The following NUDT3 variants were observed in gnomAD, a reference collection of about 807,000 sequenced individuals.
The protein encoded by NUDT3 is nudix hydrolase 3.
Under a neutral mutation model 23.6 loss-of-function variants are expected in NUDT3, and 9 were observed. That is an observed-to-expected ratio of 0.38 (90% CI 0.23 to 0.66). The LOEUF (loss-of-function observed/expected upper bound fraction) is 0.66. Ranked by LOEUF, NUDT3 falls within the 30% of genes least tolerant of loss-of-function variation. The pLI, the probability that NUDT3 is intolerant of heterozygous loss-of-function variation, is 0.52. For missense variants in NUDT3, 172 were observed against 218.5 expected (o/e 0.79, Z 1.34); for synonymous variants, 86 against 82.6 (o/e 1.04, Z -0.22).
intron 1 of NUDT3, among the ~76,000 whole-genome samples, chr6:34,386,579 T>C (rs568509689): frequency 1.3e-5 from 2 of 151,810 alleles, no homozygotes; most frequent in East Asian, 1.9e-4. Flanking sequence ...TTTCTGGGGC[T>C]GGGGAAAAAA....
intron 1 of NUDT3, among the ~76,000 whole-genome samples, chr6:34,360,489 A>G (rs1020225193): frequency 1.3e-5 from 2 of 152,006 alleles, no homozygotes; most frequent in African/African-American, 4.8e-5. Context: ...CAGGAGAATC[A>G]CTTGAACCCA....
intron 2 of NUDT3, among the ~76,000 whole-genome samples, chr6:34,340,064 C>T (rs574115010): frequency 1.3e-5 from 2 of 152,114 alleles, no homozygotes; most frequent in African/African-American, 4.8e-5. Flanking sequence ...GGGAAAATTT[C>T]TTTTCTCTCA....
chr6:34,305,200 T>C (rs1385402488), intron 2 of NUDT3, among the ~76,000 whole-genome samples: 1 of 151,998 alleles, frequency 6.6e-6, no homozygotes, highest in Non-Finnish European at 1.5e-5. Flanking sequence ...CAGGCTGGTC[T>C]CGAACTCCTG....
intron 1 of NUDT3, among the ~76,000 whole-genome samples, chr6:34,376,339 G>A (rs776578256): frequency 6.6e-6 from 1 of 152,022 alleles, no homozygotes; most frequent in Non-Finnish European, 1.5e-5. Flanking sequence ...CCAGGCTCAA[G>A]TGCAATGGCA....
In NUDT3 at chr6:34,341,907, G is replaced by T; in HGVS notation, c.165C>A (p.Pro55=). The change falls in exon 2 of 5, where the codon CCC becomes CCA. Residue 55 remains proline, a synonymous_variant. Transcript: ENST00000607016. ...CTGCTGCCACACTTGGCTCCTCCTC[G>T]GGCTCCATGCCTCCTCCAGGGACAA... The part of the protein sequence containing the change: ...RWIVPGGGME[P]EEEPSVAAVR... 1 of 1,613,978 alleles carries T rather than the reference G, an allele frequency of 6.2e-7. No individual in the cohort carries two copies. Among genetic ancestry groups the T allele is most frequent in the African/African-American group, 1.3e-5 (1 of 75,016 alleles).
intron 2 of NUDT3, among the ~76,000 whole-genome samples, chr6:34,316,180 T>C (rs1763854955): frequency 6.6e-6 from 1 of 152,106 alleles, no homozygotes; most frequent in South Asian, 2.1e-4. Flanking sequence ...CTTGGCTCTT[T>C]TGAGAGTGTT....
In NUDT3 at chr6:34,282,680, G is replaced by C. The variant is rs1763292008; in HGVS notation, c.*6073C>G. 1 of 152,210 alleles carries C rather than the reference G, an allele frequency of 6.6e-6. No homozygotes were observed. The highest frequency in any genetic ancestry group is 2.1e-4 in the South Asian group (1 of 4,832). The allele number at this position is 152,210 out of a possible 1,614,324, so 9.4% of individuals were successfully genotyped here. Reference sequence around the variant, plus strand: ...GCCTGGCTGGGAGGCTTGGGGGCAGGAAAGGGAGGGTGGAAGGATGGGTAG... The same window carrying C: ...GCCTGGCTGGGAGGCTTGGGGGCAGCAAAGGGAGGGTGGAAGGATGGGTAG... On this transcript the variant is annotated 3_prime_UTR_variant, in exon 5 of 5. Transcript: ENST00000607016.
intron 2 of NUDT3, among the ~76,000 whole-genome samples, chr6:34,321,925 TA>T (rs1297776656): frequency 6.6e-6 from 1 of 152,240 alleles, no homozygotes; most frequent in Admixed American, 6.5e-5. Flanking sequence ...TGTATTTATT[TA>T]ATTTTAATTA....
chr6:34,380,136 T>C (rs1325887951), intron 1 of NUDT3, among the ~76,000 whole-genome samples: 2 of 152,062 alleles, frequency 1.3e-5, no homozygotes, highest in Admixed American at 6.6e-5. Flanking sequence ...CAGACTGGAG[T>C]GCAACAGCGC....
At position 34,282,825 on chromosome 6, in the gene NUDT3, A is replaced by T. The variant is rs1013186744; in HGVS notation, c.*5928T>A. On this transcript the variant is annotated 3_prime_UTR_variant, in exon 5 of 5. Coordinates refer to ENST00000607016, the MANE Select transcript of NUDT3 (RefSeq NM_006703.4). Reference sequence around the variant, plus strand: ...TGTGTGCTTCCTGATAGGAAGTCAAATAAGTTTTAGTATTAAGAACTGGGG... The same window carrying T: ...TGTGTGCTTCCTGATAGGAAGTCAATTAAGTTTTAGTATTAAGAACTGGGG... 1 of 152,152 alleles carries T rather than the reference A, an allele frequency of 6.6e-6. No individual in the cohort carries two copies. Among genetic ancestry groups the T allele is most frequent in the Admixed American group, 6.5e-5 (1 of 15,268 alleles). The allele number at this position is 152,152 out of a possible 1,614,324, so 9.4% of individuals were successfully genotyped here. A position where few individuals can be genotyped will look rare whatever the true frequency, so the allele number is the denominator to read the frequency against.
rs1057181020 is a variant in NUDT3 at position 34,310,562 on chromosome 6, CCAT to C, written c.211-14880_211-14878del. On this transcript the variant is annotated intron_variant, in intron 2 of 4. Transcript: ENST00000607016. Reference sequence around the variant, plus strand: ...ACAACATCCACCACCACCACCACCACCATAATAACCTTCCAAAACAGAAAACAC... The same window carrying C: ...ACAACATCCACCACCACCACCACCACAATAACCTTCCAAAACAGAAAACAC... Among the ~76,000 whole-genome samples the C allele has an allele frequency of 7.2e-5, 11 of 152,222 alleles. 1 individual carries two copies. The South Asian group carries it at 1.0e-3, about 14-fold the overall frequency.
At chr6:34,345,370 C>T (rs1349644051) in intron 1 of NUDT3, among the ~76,000 whole-genome samples, 1 of 151,872 alleles carries the variant, frequency 6.6e-6, no homozygotes, top group Non-Finnish European at 1.5e-5. Flanking sequence ...TTTTTAAAAG[C>T]TGAAGGGAGT....
intron 2 of NUDT3, among the ~76,000 whole-genome samples, chr6:34,315,155 C>A (rs1260780391): frequency 1.3e-5 from 2 of 152,100 alleles, no homozygotes; most frequent in African/African-American, 2.4e-5. Flanking sequence ...CATTAAGGAC[C>A]AGGTTTAAAA....
At chr6:34,318,617 G>A (rs996876109) in intron 2 of NUDT3, among the ~76,000 whole-genome samples, 1 of 152,118 alleles carries the variant, frequency 6.6e-6, no homozygotes, top group African/African-American at 2.4e-5. Context: ...AAATACAAAT[G>A]TGTCATATTT....
At chr6:34,335,313 C>G (rs73403926) in intron 2 of NUDT3, among the ~76,000 whole-genome samples, 33 of 152,166 alleles carry the variant, frequency 2.2e-4, no homozygotes, top group African/African-American at 7.9e-4. Flanking sequence ...ACCTAAGAGT[C>G]GTGGCCTCAT....
At chr6:34,354,753 T>TATATATATATATATATATATATA (rs1561916372) in intron 1 of NUDT3, among the ~76,000 whole-genome samples, 16 of 129,160 alleles carry the variant, frequency 1.2e-4, no homozygotes, top group African/African-American at 4.1e-4. Context: ...ATATATATAT[T>TATATATATATATATATATATATA]TATTTACTTT....
intron 3 of NUDT3, among the ~76,000 whole-genome samples, chr6:34,293,847 C>T (rs1763459886): frequency 6.6e-6 from 1 of 152,080 alleles, no homozygotes; most frequent in South Asian, 2.1e-4. Context: ...GCTAGACCAC[C>T]AGGGAGAGGA....
intron 1 of NUDT3, among the ~76,000 whole-genome samples, chr6:34,366,350 T>C (rs981658083): frequency 6.0e-5 from 9 of 150,362 alleles, no homozygotes; most frequent in African/African-American, 2.0e-4. Context: ...CACTCTAGCG[T>C]GGGTGACTGA....
intron 3 of NUDT3, 136 bp from the exon 4 acceptor site, chr6:34,293,671 C>T (rs1763457320): frequency 2.0e-6 from 2 of 986,838 alleles, no homozygotes; most frequent in Non-Finnish European, 2.9e-6. Context: ...TATGGTCCTA[C>T]AGTTATAGCT....
Sources: gnomAD v4.1 joint callset for allele counts (sites outside exome capture counted in the v4.1 genomes callset) on GRCh38, gnomAD v4.1.1 for gene constraint, MANE v1.5 for transcripts, NCBI Gene and HGNC (gene_info 2026-07-23, HGNC 2026-07-21) for gene names.